The following TRPM7 variants were observed in gnomAD, a reference collection of about 807,000 sequenced individuals.
TRPM7 encodes transient receptor potential cation channel subfamily M member 7, also known as LTRPC ion channel family member 7.
A neutral mutation model predicts 229.7 loss-of-function variants in TRPM7; 134 were observed. The observed-to-expected ratio is 0.58, with a 90% confidence interval of 0.51 to 0.67. TRPM7 has a LOEUF of 0.67. Ranked by LOEUF, TRPM7 falls within the 30% of genes least tolerant of loss-of-function variation. The probability of loss-of-function intolerance (pLI) is 0.00; values close to 1 mark genes in which losing one functional copy is unlikely to be tolerated. For synonymous variants in TRPM7, 699 were observed against 715.2 expected (o/e 0.98, Z 0.36); for missense variants, 1,901 against 2,210.0 (o/e 0.86, Z 2.80).
chr15:50,591,839 T>C, intron 26 of TRPM7, 72 bp downstream of exon 26: 1 of 1,101,554 alleles, frequency 9.1e-7, no homozygotes, highest in East Asian at 2.5e-5. Flanking sequence ...CTTGTAACAG[T>C]ACATATTTCT....
intron 1 of TRPM7, among the ~76,000 whole-genome samples, chr15:50,680,712 A>T (rs2062222542): frequency 6.6e-6 from 1 of 152,202 alleles, no homozygotes; most frequent in Non-Finnish European, 1.5e-5. Context: ...TTTTTAAGTT[A>T]TAACTTTTTT....
chr15:50,594,364 T>C (rs1338841378), intron 24 of TRPM7, 65 bp downstream of exon 24: 3 of 1,372,448 alleles, frequency 2.2e-6, no homozygotes, highest in African/African-American at 1.5e-5. Context: ...AATCAATATA[T>C]AGCCTTTGGT....
rs868234894 is a variant in TRPM7, at chr15:50,607,122, A to G, written c.2709+78T>C. On this transcript the variant is annotated intron_variant, in intron 20 of 38. Coordinates refer to ENST00000646667, the MANE Select transcript of TRPM7 (RefSeq NM_017672.6). ...CATACACACACACACCCCCCTACGT[A>G]TACACCCAAAACAAAACAAAACAGA... 72 of 1,369,736 alleles carry G rather than the reference A, an allele frequency of 5.3e-5. No individual in the cohort carries two copies. The Middle Eastern group carries it at 1.3e-3, about 25-fold the overall frequency. 84.8% of individuals were successfully genotyped at this position (1,369,736 alleles called of 1,614,324 possible).
rs2061502552 is a variant in TRPM7 at position 50,654,426 on chromosome 15, A to G, written c.122+3355T>C. ...TGCAGCACTGCACTCCAGCCTGGGC[A>G]ACAGAACAAGACACCATCTCAAAAA... On this transcript the variant is annotated intron_variant, in intron 3 of 38. Coordinates refer to ENST00000646667, the MANE Select transcript of TRPM7 (RefSeq NM_017672.6). Among the ~76,000 whole-genome samples, 2 of 151,102 alleles carry G rather than the reference A, an allele frequency of 1.3e-5. 1 individual carries two copies.
intron 1 of TRPM7, among the ~76,000 whole-genome samples, chr15:50,677,485 A>G (rs2062119812): frequency 6.6e-6 from 1 of 152,070 alleles, no homozygotes; most frequent in Non-Finnish European, 1.5e-5. Context: ...TCACACCTAT[A>G]ATCCCAGCAC....
At chr15:50,566,948 T>G (rs2053624938) in intron 38 of TRPM7, among the ~76,000 whole-genome samples, 1 of 151,484 alleles carries the variant, frequency 6.6e-6, no homozygotes, top group African/African-American at 2.4e-5. Context: ...CAAACTGCCA[T>G]AAGGAAAAAG....
At chr15:50,627,104 T>C (rs8023255) in intron 11 of TRPM7, among the ~76,000 whole-genome samples, 89,258 of 151,616 alleles carry the variant, frequency 0.59, 26,539 homozygotes, top group African/African-American at 0.66. Flanking sequence ...GCCCAGCCTC[T>C]TATTAATTCG....
intron 10 of TRPM7, 104 bp downstream of exon 10, chr15:50,631,313 A>G: frequency 2.0e-6 from 1 of 501,340 alleles, no homozygotes; most frequent in East Asian, 3.4e-5. Flanking sequence ...TAGCCATGGT[A>G]AAAGGTTTTA....
rs1400383980 is a variant in TRPM7, at chr15:50,679,538, A to ATATATTTTT, written c.3+6992_3+6993insAAAAATATA. Among the ~76,000 whole-genome samples, 90 of 43,852 alleles carry ATATATTTTT rather than the reference A, an allele frequency of 2.1e-3. 1 individual carries two copies. The highest frequency in any genetic ancestry group is 9.5e-3 in the African/African-American group (88 of 9,268). 28.8% of individuals were successfully genotyped at this position (43,852 alleles called of 152,430 possible). A position where few individuals can be genotyped will look rare whatever the true frequency, so the allele number is the denominator to read the frequency against. On this transcript the variant is annotated intron_variant, in intron 1 of 38. Coordinates refer to ENST00000646667, the MANE Select transcript of TRPM7 (RefSeq NM_017672.6). ...TATATATATATATATATATATATAT[A>ATATATTTTT]TTTTTTTTTTTTTTTGAGACAGAGT...
At chr15:50,680,566 T>A (rs1437549785) in intron 1 of TRPM7, among the ~76,000 whole-genome samples, 1 of 147,036 alleles carries the variant, frequency 6.8e-6, no homozygotes, top group East Asian at 2.0e-4. Context: ...GAGACACTTG[T>A]CTCAAAAAAA....
chr15:50,640,686 T>TA (rs1277094926), intron 5 of TRPM7, among the ~76,000 whole-genome samples: 1 of 152,100 alleles, frequency 6.6e-6, no homozygotes, highest in African/African-American at 2.4e-5. Context: ...GATAATACCT[T>TA]AAAACATTAC....
At chr15:50,585,048 G>GTTT (rs1488163306) in intron 28 of TRPM7, among the ~76,000 whole-genome samples, 959 of 85,566 alleles carry the variant, frequency 0.011, 24 homozygotes, top group African/African-American at 0.024. Context: ...GCTAATTTTT[G>GTTT]TATTTTTTTT....
At chr15:50,588,984 A>C (rs1279679739) in intron 27 of TRPM7, among the ~76,000 whole-genome samples, 1 of 152,218 alleles carries the variant, frequency 6.6e-6, no homozygotes, top group East Asian at 1.9e-4. Context: ...GAGCTCATTA[A>C]GTATTTAATC....
At chr15:50,564,009 TGACACCACA>T (rs2053449465) in intron 38 of TRPM7, among the ~76,000 whole-genome samples, 1 of 152,066 alleles carries the variant, frequency 6.6e-6, no homozygotes, top group East Asian at 1.9e-4. Context: ...TACAGGCCTG[TGACACCACA>T]CATGGCCAAT....
chr15:50,600,810 GAA>G (rs951549939), intron 21 of TRPM7, among the ~76,000 whole-genome samples: 1 of 152,194 alleles, frequency 6.6e-6, no homozygotes, highest in Non-Finnish European at 1.5e-5. Flanking sequence ...CAATTCAAAT[GAA>G]GAGATGAGAC....
At chr15:50,619,379 C>A (rs376839827) in intron 13 of TRPM7, among the ~76,000 whole-genome samples, 1 of 151,860 alleles carries the variant, frequency 6.6e-6, no homozygotes, top group Non-Finnish European at 1.5e-5. Context: ...CACCACCATG[C>A]CCAGGTAATT....
chr15:50,629,956 G>T (rs1016491511), intron 10 of TRPM7, among the ~76,000 whole-genome samples: 2 of 147,488 alleles, frequency 1.4e-5, no homozygotes, highest in African/African-American at 2.5e-5. Flanking sequence ...CTGCCTTCCG[G>T]GTTCAAGCAA....
chr15:50,585,949 C>T (rs1037695997), intron 28 of TRPM7, among the ~76,000 whole-genome samples: 21 of 152,206 alleles, frequency 1.4e-4, no homozygotes, highest in African/African-American at 4.8e-4. Flanking sequence ...AAGCATGAAA[C>T]TCTAAAGGGT....
At chr15:50,561,987 C>T (rs3131581) in intron 38 of TRPM7, among the ~76,000 whole-genome samples, 179 bp from the exon 39 acceptor site, 51,946 of 151,634 alleles carry the variant, frequency 0.34, 10,209 homozygotes, top group Admixed American at 0.48. Flanking sequence ...CTCCACCTCC[C>T]GGGTTCAAGC....
Sources: gnomAD v4.1 joint callset for allele counts (sites outside exome capture counted in the v4.1 genomes callset) on GRCh38, gnomAD v4.1.1 for gene constraint, MANE v1.5 for transcripts, NCBI Gene and HGNC (gene_info 2026-07-23, HGNC 2026-07-21) for gene names.